The following ZNF322 variants were observed in gnomAD, a reference collection of about 807,000 sequenced individuals.
ZNF322 encodes zinc finger protein 322.
ZNF322 carries 1 observed loss-of-function variant against 18.3 expected under a neutral mutation model. The ratio of observed to expected loss-of-function variants is 0.05; its 90% CI spans 0.02 to 0.26. The LOEUF is 0.26. ZNF322 is among the 10% of genes least tolerant of loss of function. The probability of loss-of-function intolerance (pLI) is 1.00; values close to 1 mark genes in which losing one functional copy is unlikely to be tolerated. For synonymous variants in ZNF322, 17 were observed against 130.7 expected, an observed-to-expected ratio of 0.13 and a Z score of 5.93; for missense variants, 36 against 403.6, an observed-to-expected ratio of 0.09 and a Z score of 7.80.
chr6:26,636,465 T>A lies in ZNF322; in HGVS notation c.*880A>T, dbSNP rs1215076652. The stretch of plus-strand genomic sequence containing the variant: ...AGCTTCTGGGTATCTAAAAAACTAT[T>A]TTCATACTGATTTCATGTAAAGTCC... On this transcript the variant is annotated 3_prime_UTR_variant, in exon 4 of 4. Coordinates refer to ENST00000415922, the MANE Select transcript of ZNF322 (RefSeq NM_024639.5). 2.0e-5 allele frequency: 3 copies of A among 150,094 alleles called. No individual in the cohort carries two copies. Among genetic ancestry groups the A allele is most frequent in the Non-Finnish European group, 3.0e-5 (2 of 67,576 alleles). The allele number at this position is 150,094 out of a possible 1,614,324, so 9.3% of individuals were successfully genotyped here. A position where few individuals can be genotyped will look rare whatever the true frequency, so the allele number is the denominator to read the frequency against.
At chr6:26,650,599 A>G (rs1404842376) in intron 2 of ZNF322, among the ~76,000 whole-genome samples, 1 of 152,242 alleles carries the variant, frequency 6.6e-6, no homozygotes, top group African/African-American at 2.4e-5. Context: ...AAGGTTGTAC[A>G]ATACAGGGTT....
chr6:26,659,406 C>G (rs1452746968), intron 1 of ZNF322, 35 bp downstream of exon 1: 1 of 167,002 alleles, frequency 6.0e-6, no homozygotes, highest in African/African-American at 2.4e-5. Flanking sequence ...CACCGCGCAC[C>G]CATCCCACCC....
rs1316574634 is a variant in ZNF322 at position 26,636,348 on chromosome 6, G to C, written c.*997C>G. ...GAATTTTTTAAAAAGTAAAAGTAAAGCAATCATTAAGTAGTTCAGATAAAA... is the reference window on the plus strand; with the variant it reads ...GAATTTTTTAAAAAGTAAAAGTAAACCAATCATTAAGTAGTTCAGATAAAA... On this transcript the variant is annotated 3_prime_UTR_variant, in exon 4 of 4. Transcript: ENST00000415922. The C allele has an allele frequency of 2.2e-5, 3 of 138,670 alleles. No homozygotes were observed. The highest frequency in any genetic ancestry group is 3.1e-5 in the Non-Finnish European group (2 of 64,318). 8.6% of individuals were successfully genotyped at this position (138,670 alleles called of 1,614,324 possible).
At chr6:26,638,776 AG>A (rs1765413630) in intron 3 of ZNF322, 48 bp from the exon 4 acceptor site, 3 of 700,624 alleles carry the variant, frequency 4.3e-6, no homozygotes, top group Non-Finnish European at 6.4e-6. Flanking sequence ...GACTAAGAAA[AG>A]AATTCTCAAA....
At chr6:26,650,285 A>G (rs1384178247) in intron 2 of ZNF322, 1 of 152,156 alleles carries the variant, frequency 6.6e-6, no homozygotes, top group African/African-American at 2.4e-5. Context: ...GAACAAAGAG[A>G]AACTTCTTCA....
chr6:26,649,659 GTGTGTGTGTGTGTGTGTATATATA>G (rs1429139860), intron 2 of ZNF322, among the ~76,000 whole-genome samples: 4 of 43,974 alleles, frequency 9.1e-5, no homozygotes, highest in South Asian at 9.3e-4. Flanking sequence ...GTGTGTGTGT[GTGTGTGTGTGTGTGTGTATATATA>G]TATATATATA....
At chr6:26,647,877 CTTT>C (rs34835436) in intron 2 of ZNF322, among the ~76,000 whole-genome samples, 11,123 of 142,696 alleles carry the variant, frequency 0.078, 595 homozygotes, top group Non-Finnish European at 0.13. Context: ...TCCAATATCG[CTTT>C]TTTTTTTTTT....
intron 2 of ZNF322, among the ~76,000 whole-genome samples, chr6:26,646,862 C>T (rs1023992585): frequency 6.6e-6 from 1 of 151,934 alleles, no homozygotes; most frequent in African/African-American, 2.4e-5. Context: ...AAGGTCCTTT[C>T]AAATGGGGGG....
chr6:26,638,664 C>G lies in ZNF322; in HGVS notation c.-111G>C, dbSNP rs1414080680. The G allele has an allele frequency of 1.2e-6, 1 of 809,666 alleles. No individual in the cohort carries two copies. The highest frequency in any genetic ancestry group is 1.7e-5 in the African/African-American group (1 of 59,502). The allele number at this position is 809,666 out of a possible 1,614,324, so 50.2% of individuals were successfully genotyped here. A position where few individuals can be genotyped will look rare whatever the true frequency, so the allele number is the denominator to read the frequency against. ...GAAGATACATCTGTTTCAGGCCTTTCAATCATGAGCCTCTACAAGTTTCCA... is the reference window on the plus strand; with the variant it reads ...GAAGATACATCTGTTTCAGGCCTTTGAATCATGAGCCTCTACAAGTTTCCA... On this transcript the variant is annotated 5_prime_UTR_variant, in exon 4 of 4. Transcript: ENST00000415922.
intron 2 of ZNF322, among the ~76,000 whole-genome samples, chr6:26,647,921 C>T (rs564030773): frequency 6.6e-6 from 1 of 150,896 alleles, no homozygotes; most frequent in South Asian, 2.1e-4. Context: ...CTCTGATACC[C>T]AGGCTGGAGA....
At chr6:26,648,998 C>T (rs1386526708) in intron 2 of ZNF322, among the ~76,000 whole-genome samples, 1 of 152,212 alleles carries the variant, frequency 6.6e-6, no homozygotes, top group Non-Finnish European at 1.5e-5. Context: ...GAAATAGGGT[C>T]ATACTTATTC....
intron 3 of ZNF322, among the ~76,000 whole-genome samples, chr6:26,641,946 A>C (rs1048609286): frequency 6.6e-6 from 1 of 151,908 alleles, no homozygotes; most frequent in African/African-American, 2.4e-5. Context: ...TGAAAGAAGA[A>C]GGCCTCTTTG....
At chr6:26,649,290 T>C (rs186020653) in intron 2 of ZNF322, among the ~76,000 whole-genome samples, 106 of 150,322 alleles carry the variant, frequency 7.1e-4, no homozygotes, top group African/African-American at 2.4e-3. Context: ...AAGGGACAAA[T>C]AGAAAAGGAA....
chr6:26,643,125 G>A (rs1243508370), intron 3 of ZNF322, among the ~76,000 whole-genome samples: 1 of 152,194 alleles, frequency 6.6e-6, no homozygotes, highest in African/African-American at 2.4e-5. Context: ...CAGCCGCAAT[G>A]GCTTCCTAGC....
intron 2 of ZNF322, among the ~76,000 whole-genome samples, chr6:26,647,996 A>G (rs1001595747): frequency 1.3e-5 from 2 of 151,990 alleles, no homozygotes; most frequent in Admixed American, 1.3e-4. Context: ...CTCCTGGCTC[A>G]GCCTCCTGAA....
At chr6:26,640,524 T>C (rs1765448232) in intron 3 of ZNF322, among the ~76,000 whole-genome samples, 2 of 152,186 alleles carry the variant, frequency 1.3e-5, no homozygotes, top group Non-Finnish European at 2.9e-5. Flanking sequence ...ACATCTTTGC[T>C]CAACAGGCAT....
At chr6:26,654,037 G>C (rs527514744) in intron 2 of ZNF322, among the ~76,000 whole-genome samples, 1 of 152,262 alleles carries the variant, frequency 6.6e-6, no homozygotes, top group African/African-American at 2.4e-5. Flanking sequence ...AATCAGTACA[G>C]ATTTTCTCCC....
At chr6:26,649,392 G>T (rs1403370433) in intron 2 of ZNF322, among the ~76,000 whole-genome samples, 1 of 152,046 alleles carries the variant, frequency 6.6e-6, no homozygotes, top group East Asian at 1.9e-4. Flanking sequence ...ATAAATGATG[G>T]TAAAACATCA....
chr6:26,647,432 T>C (rs1207526463), intron 2 of ZNF322, among the ~76,000 whole-genome samples: 2 of 151,874 alleles, frequency 1.3e-5, no homozygotes, highest in Admixed American at 6.6e-5. Flanking sequence ...GGTTACTTAA[T>C]TGAAAAAAAG....
Sources: gnomAD v4.1 joint callset for allele counts (sites outside exome capture counted in the v4.1 genomes callset) on GRCh38, gnomAD v4.1.1 for gene constraint, MANE v1.5 for transcripts, NCBI Gene and HGNC (gene_info 2026-07-23, HGNC 2026-07-21) for gene names.